The following SMARCA1 variants were observed in gnomAD, a reference collection of about 807,000 sequenced individuals.
The protein encoded by SMARCA1 is SWI/SNF-related matrix-associated actin-dependent regulator of chromatin subfamily A member 1.
A neutral mutation model predicts 93.6 loss-of-function variants in SMARCA1; 17 were observed. The observed-to-expected ratio is 0.18, with a 90% confidence interval of 0.12 to 0.27. SMARCA1 has a LOEUF of 0.27. Ranked by LOEUF, SMARCA1 falls within the 10% of genes least tolerant of loss-of-function variation. The probability of loss-of-function intolerance (pLI) is 1.00; values close to 1 mark genes in which losing one functional copy is unlikely to be tolerated. For missense variants in SMARCA1, 630 were observed against 819.0 expected, an observed-to-expected ratio of 0.77 and a Z score of 2.82; for synonymous variants, 271 against 271.4, an observed-to-expected ratio of 1.00 and a Z score of 0.01.
intron 6 of SMARCA1, 32 bp from the exon 7 acceptor site, chrX:129,508,128 T>A: frequency 2.4e-6 from 2 of 824,044 alleles, no homozygotes; most frequent in Non-Finnish European, 3.4e-6. Flanking sequence ...CATATTAGAA[T>A]ATATTTATAT....
At chrX:129,472,215 C>T (rs1393144949) in intron 19 of SMARCA1, among the ~76,000 whole-genome samples, 1 of 111,821 alleles carries the variant, frequency 8.9e-6, no homozygotes, top group Non-Finnish European at 1.9e-5. Flanking sequence ...CTGATACCAT[C>T]GCTATGTGCA....
At chrX:129,485,892 C>T (rs1259374882) in intron 17 of SMARCA1, among the ~76,000 whole-genome samples, 2 of 111,503 alleles carry the variant, frequency 1.8e-5, no homozygotes, top group African/African-American at 6.5e-5. Flanking sequence ...GAGGCCCTCA[C>T]CAGAAGCAGA....
Position 129,465,610 on chromosome X carries a change from A to G in SMARCA1, c.2940T>C (p.Asp980=). 1 of 1,200,762 alleles carries G rather than the reference A, an allele frequency of 8.3e-7. No homozygotes were observed. Among genetic ancestry groups the G allele is most frequent in the East Asian group, 3.0e-5 (1 of 33,774 alleles). The part of the protein sequence containing the change: ...LICMLHKMGF[D]RENVYEELRQ... The stretch of plus-strand genomic sequence containing the variant: ...TTAATTCTTCATATACATTTTCTCT[A>G]TCAAAGCCCATTTTGTGTAACATAC... The change falls in exon 23 of 25, where the codon GAT becomes GAC. Residue 980 remains aspartate (D), a synonymous_variant. Coordinates refer to ENST00000371121, the MANE Select transcript of SMARCA1 (RefSeq NM_001282874.2).
intron 6 of SMARCA1, 61 bp from the exon 7 acceptor site, chrX:129,508,157 G>T: frequency 1.5e-6 from 1 of 654,914 alleles, no homozygotes; most frequent in Non-Finnish European, 2.2e-6. Flanking sequence ...GTTATAAGAT[G>T]ATCACAGAAT....
intron 12 of SMARCA1, 36 bp from the exon 13 acceptor site, chrX:129,493,111 T>C (rs1349822690): frequency 2.4e-6 from 1 of 416,782 alleles, no homozygotes; most frequent in Non-Finnish European, 4.3e-6. Context: ...CAAAGATTTA[T>C]GTATAAGGAC....
chrX:129,483,294 A>G (rs965311946), intron 17 of SMARCA1, among the ~76,000 whole-genome samples: 3 of 111,993 alleles, frequency 2.7e-5, no homozygotes, highest in Non-Finnish European at 5.6e-5. Flanking sequence ...TGAGAGGGAT[A>G]AGATTCCCAA....
chrX:129,480,705 T>C lies in SMARCA1; in HGVS notation c.2438A>G (p.Tyr813Cys). ...EILYYRKTIG[Y>C]KVPRNPDIPN... ...CTTAAAAAATGGAAAAAATACCTTA[T>C]AGCCTATTGTCTTCCGATAATAAAG... The change falls in exon 19 of 25, where the codon TAT becomes TGT. Residue 813 changes from tyrosine (Y) to cysteine (C), a missense_variant. By Grantham distance (194) the Tyr-to-Cys change is radical (BLOSUM62 -2). Coordinates refer to ENST00000371121, the MANE Select transcript of SMARCA1 (RefSeq NM_001282874.2). 2.0e-6 allele frequency: 2 copies of C among 999,484 alleles called. No homozygotes were observed. The highest frequency in any genetic ancestry group is 2.0e-5 in the African/African-American group (1 of 50,391). The allele number at this position is 999,484 out of a possible 1,213,427, so 82.4% of individuals were successfully genotyped here.
At chrX:129,476,431 C>T (rs1237373128) in intron 19 of SMARCA1, among the ~76,000 whole-genome samples, 1 of 111,751 alleles carries the variant, frequency 8.9e-6, no homozygotes, top group Non-Finnish European at 1.9e-5. Context: ...TGCAAATAAC[C>T]AGGAAGTACA....
rs141093082 is a variant in SMARCA1 at position 129,456,556 on chromosome X, G to A, written c.3031-8113C>T. On this transcript the variant is annotated intron_variant, in intron 23 of 24. Coordinates refer to ENST00000371121, the MANE Select transcript of SMARCA1 (RefSeq NM_001282874.2). ...GAAAACCTTCTGGAAAGGATTCATC[G>A]TTCTAGATGCCATTAAGAACATTCG... Among the ~76,000 whole-genome samples, 469 of 112,380 alleles carry A rather than the reference G, an allele frequency of 4.2e-3. 1 individual carries two copies. Among genetic ancestry groups the A allele is most frequent in the African/African-American group, 0.014 (449 of 30,990 alleles).
At chrX:129,454,581 C>T (rs1421192928) in intron 23 of SMARCA1, among the ~76,000 whole-genome samples, 2 of 111,725 alleles carry the variant, frequency 1.8e-5, no homozygotes, top group Non-Finnish European at 3.8e-5. Context: ...ACAACTTAAA[C>T]AAATTTACAA....
chrX:129,469,795 C>T (rs1413707554), intron 20 of SMARCA1, among the ~76,000 whole-genome samples: 1 of 112,377 alleles, frequency 8.9e-6, no homozygotes, highest in Non-Finnish European at 1.9e-5. Flanking sequence ...TCAGTTGAGA[C>T]TGTATATTCA....
intron 21 of SMARCA1, among the ~76,000 whole-genome samples, chrX:129,468,334 A>C (rs1195862023): frequency 8.9e-6 from 1 of 111,962 alleles, no homozygotes; most frequent in East Asian, 2.8e-4. Context: ...ACTCTCTGGA[A>C]TAGGGTGGAA....
In SMARCA1 at chrX:129,466,837, T is replaced by TAA. The variant is rs35808392; in HGVS notation, c.2699-877_2699-876dup. On this transcript the variant is annotated intron_variant, in intron 21 of 24. Coordinates refer to ENST00000371121, the MANE Select transcript of SMARCA1 (RefSeq NM_001282874.2). ...ACTTACTTGGAATACCCTTTTCTCA[T>TAA]AAAAAAAAAAAAAAAAACCTCATTG... is the stretch of plus-strand genomic sequence containing the variant. Among the ~76,000 whole-genome samples the TAA allele has an allele frequency of 8.4e-3, 684 of 81,033 alleles. 5 individuals are homozygous for TAA. Among genetic ancestry groups the TAA allele is most frequent in the Middle Eastern group, 0.022 (3 of 138 alleles). The allele number at this position is 81,033 out of a possible 115,157, so 70.4% of individuals were successfully genotyped here.
At chrX:129,497,621 A>G (rs1422335141) in intron 11 of SMARCA1, among the ~76,000 whole-genome samples, 1 of 111,654 alleles carries the variant, frequency 9.0e-6, no homozygotes, top group Non-Finnish European at 1.9e-5. Context: ...ACTTATCACA[A>G]TGAATTGCAA....
chrX:129,499,626 T>G (rs932212335), intron 10 of SMARCA1, 106 bp downstream of exon 10: 3 of 409,301 alleles, frequency 7.3e-6, no homozygotes, highest in Admixed American at 3.5e-5. Context: ...GCCATTTAAA[T>G]ATAAAATGTA....
Position 129,498,004 on chromosome X carries a change from G to C in SMARCA1, c.1345C>G (p.Leu449Val), listed in dbSNP as rs1171695785. The C allele has an allele frequency of 8.3e-7, 1 of 1,205,299 alleles. No individual in the cohort carries two copies. The highest frequency in any genetic ancestry group is 1.1e-6 in the Non-Finnish European group (1 of 891,009). ...CGAAGCTGCATCAGAATGTTTAAGA[G>C]TCGCATCTTGTCCATCTTGCCAGAA... Reference protein sequence around the residue: ...NSSGKMDKMRLLNILMQLRKC... With the variant: ...NSSGKMDKMRVLNILMQLRKC... The change falls in exon 11 of 25, where the codon CTC becomes GTC. Residue 449 changes from leucine to valine, a missense_variant. This residue lies in a region of SMARCA1 where 382 missense variants were observed against 537.9 expected (regional missense o/e 0.71). Transcript: ENST00000371121.
intron 23 of SMARCA1, among the ~76,000 whole-genome samples, chrX:129,453,267 A>C (rs1387261665): frequency 1.8e-5 from 2 of 111,809 alleles, no homozygotes; most frequent in Non-Finnish European, 3.8e-5. Context: ...AGACAGGCCA[A>C]AAGCTAGGCC....
At chrX:129,455,528 C>G (rs1932576505) in intron 23 of SMARCA1, among the ~76,000 whole-genome samples, 2 of 110,179 alleles carry the variant, frequency 1.8e-5, no homozygotes, top group Admixed American at 1.9e-4. Flanking sequence ...ATGGGTGCAG[C>G]AAACCACCAT....
chrX:129,459,596 T>C (rs943463351), intron 23 of SMARCA1, among the ~76,000 whole-genome samples: 1 of 112,001 alleles, frequency 8.9e-6, no homozygotes, highest in Non-Finnish European at 1.9e-5. Context: ...CATTTATAAC[T>C]GGCTATTCAA....
Sources: gnomAD v4.1 joint callset for allele counts (sites outside exome capture counted in the v4.1 genomes callset) on GRCh38, gnomAD v4.1.1 for gene constraint, gnomAD v4.1.1 regional missense constraint, MANE v1.5 for transcripts, NCBI Gene and HGNC (gene_info 2026-07-23, HGNC 2026-07-21) for gene names.